CHRNG: variants seen among roughly 807,000 people sequenced by gnomAD.
CHRNG encodes the protein acetylcholine receptor subunit gamma.
A neutral mutation model predicts 65.2 loss-of-function variants in CHRNG; 72 were observed. The observed-to-expected ratio is 1.10, with a 90% CI of 0.91 to 1.34. The LOEUF (loss-of-function observed/expected upper bound fraction) is 1.34, where lower values mean the gene tolerates loss of function less well. CHRNG is among the 40% of genes most tolerant of loss of function. The pLI, the probability that CHRNG is intolerant of heterozygous loss-of-function variation, is 0.00. For missense variants in CHRNG, 637 were observed against 680.1 expected (o/e 0.94, Z 0.70); for synonymous variants, 284 against 290.2 (o/e 0.98, Z 0.22).
Position 232,541,224 on chromosome 2 carries a change from G to A in CHRNG, c.351-150G>A. 1 of 925,016 alleles carries A rather than the reference G, an allele frequency of 1.1e-6. No homozygotes were observed. Among genetic ancestry groups the A allele is most frequent in the South Asian group, 1.4e-5 (1 of 73,602 alleles). 57.3% of individuals were successfully genotyped at this position (925,016 alleles called of 1,614,324 possible). On this transcript the variant is annotated intron_variant, in intron 4 of 11. Coordinates refer to ENST00000651502, the MANE Select transcript of CHRNG (RefSeq NM_005199.5). This position sits in a 1 kb window ranked among gnomAD's most constrained non-coding sequence, Gnocchi z 4.0. ...GGAGGATTGCTGGGGGGACCTAGTG[G>A]TCCGGGTGGGAACCAGTCAGGGGGT...
At chr2:232,543,175 C>A in intron 7 of CHRNG, 93 bp downstream of exon 7, 1 of 1,521,202 alleles carries the variant, frequency 6.6e-7, no homozygotes, top group Non-Finnish European at 9.1e-7. Context: ...AGTGGCATTA[C>A]GACCCAGGAC....
intron 9 of CHRNG, among the ~76,000 whole-genome samples, chr2:232,543,921 A>C (rs763276643): frequency 6.6e-6 from 1 of 152,236 alleles, no homozygotes; most frequent in Admixed American, 6.5e-5. Flanking sequence ...CATAAAACCC[A>C]TATCACCTCC....
chr2:232,545,469 C>T, intron 11 of CHRNG, 74 bp from the exon 12 acceptor site: 1 of 1,370,802 alleles, frequency 7.3e-7, no homozygotes, highest in Non-Finnish European at 1.0e-6. Context: ...TGCTGGAAGC[C>T]CAAGGATGAG....
At position 232,540,455 on chromosome 2, in the gene CHRNG, A is replaced by C; in HGVS notation, c.240+30A>C. 1 of 1,612,680 alleles carries C rather than the reference A, an allele frequency of 6.2e-7. No homozygotes were observed. Among genetic ancestry groups the C allele is most frequent in the Non-Finnish European group, 8.5e-7 (1 of 1,179,758 alleles). ...GAGGCCACCCTGCCACCCTCCTTCC[A>C]TCAGGGGTCCCACCCCACCACCCCA... On this transcript the variant is annotated intron_variant, in intron 3 of 11. Transcript: ENST00000651502. This position sits in a 1 kb window ranked among gnomAD's most constrained non-coding sequence, Gnocchi z 4.2.
chr2:232,546,212 A>G lies in CHRNG; in HGVS notation c.*496A>G, dbSNP rs72991937. 36,426 of 193,184 alleles carry G rather than the reference A, an allele frequency of 0.19. 3,873 individuals are homozygous for G. The highest frequency in any genetic ancestry group is 0.27 in the Middle Eastern group (121 of 446). The allele number at this position is 193,184 out of a possible 1,614,324, so 12.0% of individuals were successfully genotyped here. A position where few individuals can be genotyped will look rare whatever the true frequency, so the allele number is the denominator to read the frequency against. ...CTCCCCCCCGTGCCTTCTGGGTACA[A>G]TAAGCACCCAATTCTCAACAGCCCC... is the stretch of plus-strand genomic sequence containing the variant. On this transcript the variant is annotated 3_prime_UTR_variant, in exon 12 of 12. Transcript: ENST00000651502.
intron 9 of CHRNG, 93 bp downstream of exon 9, chr2:232,543,792 C>A: frequency 1.3e-6 from 1 of 780,186 alleles, no homozygotes; most frequent in Non-Finnish European, 2.2e-6. Flanking sequence ...TGTGGCATTC[C>A]ACAGCACACC....
At position 232,543,397 on chromosome 2, in the gene CHRNG, T is replaced by C. The variant is rs1692057275; in HGVS notation, c.920+8T>C. On this transcript the variant is annotated splice_region_variant and intron_variant, in intron 8 of 11. Coordinates refer to ENST00000651502, the MANE Select transcript of CHRNG (RefSeq NM_005199.5). The stretch of plus-strand genomic sequence containing the variant: ...GGTGCCACTCATCAGCAAGTAAGGC[T>C]GGTCTTCATGTCCACCCGCCTATGC... The C allele has an allele frequency of 6.3e-7, 1 of 1,590,414 alleles. No homozygotes were observed. The highest frequency in any genetic ancestry group is 1.3e-5 in the African/African-American group (1 of 74,564).
chr2:232,545,610 T>G lies in CHRNG; in HGVS notation c.1448T>G (p.Leu483Arg). 1 of 1,614,148 alleles carries G rather than the reference T, an allele frequency of 6.2e-7. No individual in the cohort carries two copies. The highest frequency in any genetic ancestry group is 8.5e-7 in the Non-Finnish European group (1 of 1,180,024). ...GTCTGCTTCCTGGCCATGCTCTCGCTCTTCATCTGTGGCACAGCTGGCATC... is the reference window on the plus strand; with the variant it reads ...GTCTGCTTCCTGGCCATGCTCTCGCGCTTCATCTGTGGCACAGCTGGCATC... ...DRVCFLAMLSLFICGTAGIFL... is the reference protein window; with the variant it reads ...DRVCFLAMLSRFICGTAGIFL... Residue 483 changes from leucine to arginine, a missense_variant, in exon 12 of 12, where the codon CTC (leucine) becomes CGC (arginine). Leu to Arg is a moderately radical substitution (Grantham distance 102, BLOSUM62 -2). Transcript: ENST00000651502.
Position 232,541,568 on chromosome 2 carries a change from T to C in CHRNG, c.506+39T>C. 6.2e-7 allele frequency: 1 copy of C among 1,608,786 alleles called. No homozygotes were observed. Among genetic ancestry groups the C allele is most frequent in the Non-Finnish European group, 8.5e-7 (1 of 1,179,354 alleles). On this transcript the variant is annotated intron_variant, in intron 5 of 11. Coordinates refer to ENST00000651502, the MANE Select transcript of CHRNG (RefSeq NM_005199.5). The surrounding 1 kb of genome is among the most constrained non-coding windows in gnomAD (Gnocchi z 4.0). ...TTGGGGAGGATTAAGAGAGCTGCTC[T>C]CAGAGGGGCCTGGGCAGTGGTGGGG...
chr2:232,542,637 C>G (rs965699821), intron 6 of CHRNG, 117 bp downstream of exon 6: 11 of 775,054 alleles, frequency 1.4e-5, no homozygotes, highest in Non-Finnish European at 2.5e-5. Flanking sequence ...ATGAAAACTA[C>G]AGCAAACCAT....
intron 11 of CHRNG, 41 bp from the exon 12 acceptor site, chr2:232,545,502 G>A: frequency 6.3e-7 from 1 of 1,583,874 alleles, no homozygotes; most frequent in Non-Finnish European, 8.6e-7. Flanking sequence ...GGAAGACCTG[G>A]TGCCGCCGCT....
Position 232,540,275 on chromosome 2 carries a change from G to A in CHRNG, c.196-106G>A. 6.3e-7 allele frequency: 1 copy of A among 1,592,954 alleles called. No homozygotes were observed. Among genetic ancestry groups the A allele is most frequent in the Non-Finnish European group, 8.6e-7 (1 of 1,161,236 alleles). On this transcript the variant is annotated intron_variant, in intron 2 of 11. Transcript: ENST00000651502. The surrounding 1 kb of genome is among the most constrained non-coding windows in gnomAD (Gnocchi z 4.2). Reference sequence around the variant, plus strand: ...TGGAAAACCCCCATGGTTGTGGGGGGAGTACTATCAAGAGGCTGGGGGATG... The same window carrying A: ...TGGAAAACCCCCATGGTTGTGGGGGAAGTACTATCAAGAGGCTGGGGGATG...
Position 232,542,531 on chromosome 2 carries a change from C to T in CHRNG, c.604+11C>T, listed in dbSNP as rs1184886116. ...CTGAGGCCTTCACAGGTAACCCCCA[C>T]CCAAGGGCTCCCCAGGCAGCCTCAT... On this transcript the variant is annotated intron_variant, in intron 6 of 11. Coordinates refer to ENST00000651502, the MANE Select transcript of CHRNG (RefSeq NM_005199.5). The T allele has an allele frequency of 6.3e-7, 1 of 1,582,332 alleles. No individual in the cohort carries two copies. The highest frequency in any genetic ancestry group is 8.7e-7 in the Non-Finnish European group (1 of 1,151,586).
Position 232,540,280 on chromosome 2 carries a change from C to A in CHRNG, c.196-101C>A. 1 of 1,598,060 alleles carries A rather than the reference C, an allele frequency of 6.3e-7. No individual in the cohort carries two copies. The highest frequency in any genetic ancestry group is 8.6e-7 in the Non-Finnish European group (1 of 1,165,832). On this transcript the variant is annotated intron_variant, in intron 2 of 11. Coordinates refer to ENST00000651502, the MANE Select transcript of CHRNG (RefSeq NM_005199.5). The surrounding 1 kb of genome is among the most constrained non-coding windows in gnomAD (Gnocchi z 4.2). ...AACCCCCATGGTTGTGGGGGGAGTA[C>A]TATCAAGAGGCTGGGGGATGCTTGG...
rs1417340149 is a variant in CHRNG, at chr2:232,541,338, C to T, written c.351-36C>T. On this transcript the variant is annotated intron_variant, in intron 4 of 11. Coordinates refer to ENST00000651502, the MANE Select transcript of CHRNG (RefSeq NM_005199.5). The surrounding 1 kb of genome is among the most constrained non-coding windows in gnomAD (Gnocchi z 4.0). ...GGGCTGGGGTGTCGGGGGCTGAGCC[C>T]ACAGCCTCGTGGCCTGGCCTGTTCT... is the stretch of plus-strand genomic sequence containing the variant. The T allele has an allele frequency of 6.2e-7, 1 of 1,613,464 alleles. No homozygotes were observed. The highest frequency in any genetic ancestry group is 1.3e-5 in the African/African-American group (1 of 74,842).
chr2:232,547,000 G>A lies in CHRNG; in HGVS notation c.*1284G>A, dbSNP rs1265392980. ...CTTCCTGGGGGAGAGGCAAGGTCCT[G>A]CTCTGAGATTACAGCCGGCACACGA... On this transcript the variant is annotated 3_prime_UTR_variant, in exon 12 of 12. Transcript: ENST00000651502. 1.3e-5 allele frequency among the ~76,000 whole-genome samples: 2 copies of A among 152,158 alleles called. No individual in the cohort carries two copies. Among genetic ancestry groups the A allele is most frequent in the Non-Finnish European group, 2.9e-5 (2 of 68,026 alleles).
chr2:232,540,221 G>C lies in CHRNG; in HGVS notation c.195+90G>C. ...GGTGGCTCCAGCCACCAAGAGGTTG[G>C]AGGGCCCTAAATCGGACAGGCTGGG... On this transcript the variant is annotated intron_variant, in intron 2 of 11. Coordinates refer to ENST00000651502, the MANE Select transcript of CHRNG (RefSeq NM_005199.5). This position sits in a 1 kb window ranked among gnomAD's most constrained non-coding sequence, Gnocchi z 4.2. The C allele has an allele frequency of 6.2e-7, 1 of 1,610,620 alleles. No homozygotes were observed. The highest frequency in any genetic ancestry group is 1.1e-5 in the South Asian group (1 of 90,854).
intron 8 of CHRNG, 72 bp from the exon 9 acceptor site, chr2:232,543,513 G>A: frequency 8.0e-7 from 1 of 1,243,168 alleles, no homozygotes; most frequent in South Asian, 1.2e-5. Context: ...AGGCCTGAGG[G>A]GGGGCAGCCA....
In CHRNG at chr2:232,545,675, T is replaced by C; in HGVS notation, c.1513T>C (p.Phe505Leu). Residue 505 changes from phenylalanine (F) to leucine (L), a missense_variant, in exon 12 of 12, where the codon TTC becomes CTC. Phe to Leu is a conservative substitution (Grantham distance 22). Coordinates refer to ENST00000651502, the MANE Select transcript of CHRNG (RefSeq NM_005199.5). ...CTACAACCGGGTGCCGGCCCTGCCA[T>C]TCCCTGGAGATCCACGCCCCTACCT... ...AHYNRVPALP[F>L]PGDPRPYLPS... The C allele has an allele frequency of 6.2e-7, 1 of 1,614,160 alleles. No individual in the cohort carries two copies. Among genetic ancestry groups the C allele is most frequent in the East Asian group, 2.2e-5 (1 of 44,888 alleles).
Sources: allele counts gnomAD v4.1 joint callset (sites outside exome capture counted in the v4.1 genomes callset), GRCh38; gene constraint gnomAD v4.1.1; non-coding constraint Gnocchi (gnomAD v3.1); transcripts MANE v1.5; gene names NCBI Gene and HGNC (gene_info 2026-07-23, HGNC 2026-07-21).